The following FOXN3 variants were observed in gnomAD, a reference collection of about 807,000 sequenced individuals.
FOXN3 encodes forkhead box N3.
A neutral mutation model predicts 38.4 loss-of-function variants in FOXN3; 7 were observed. The observed-to-expected ratio is 0.18, with a 90% CI of 0.10 to 0.34. The LOEUF (loss-of-function observed/expected upper bound fraction) is 0.34, where lower values mean the gene tolerates loss of function less well. FOXN3 is among the 10% of genes least tolerant of loss of function. The pLI is 1.00. For missense variants in FOXN3, 456 were observed against 613.4 expected (o/e 0.74, Z 2.71); for synonymous variants, 230 against 242.2 (o/e 0.95, Z 0.47).
chr14:89,193,432 C>T (rs1010686725), intron 4 of FOXN3, among the ~76,000 whole-genome samples: 8 of 151,994 alleles, frequency 5.3e-5, no homozygotes, highest in Non-Finnish European at 1.0e-4. Context: ...AAAAGTATTC[C>T]ATCAATAATC....
In FOXN3 at chr14:89,253,361, C is replaced by T. The variant is rs555229929; in HGVS notation, c.745+27589G>A. ...CAGGGAGAGCTGCCCAGGGCCAGCACGTCTTTGCATGGCCTCAAGGTGGAG... is the reference window on the plus strand; with the variant it reads ...CAGGGAGAGCTGCCCAGGGCCAGCATGTCTTTGCATGGCCTCAAGGTGGAG... On this transcript the variant is annotated intron_variant, in intron 4 of 5. Coordinates refer to ENST00000557258, the MANE Select transcript of FOXN3 (RefSeq NM_005197.4). Among the ~76,000 whole-genome samples, 11 of 152,266 alleles carry T rather than the reference C, an allele frequency of 7.2e-5. No individual in the cohort carries two copies. The East Asian group carries it at 7.7e-4, about 11-fold the overall frequency.
At chr14:89,378,764 T>C (rs61984669) in intron 2 of FOXN3, among the ~76,000 whole-genome samples, 24,808 of 148,534 alleles carry the variant, frequency 0.17, 2,086 homozygotes, top group Non-Finnish European at 0.19. Context: ...CTGGAGTGAG[T>C]GGTGCAACCT....
At chr14:89,506,077 G>C (rs1596301152) in intron 1 of FOXN3, among the ~76,000 whole-genome samples, 5 of 140,896 alleles carry the variant, frequency 3.5e-5, no homozygotes, top group African/African-American at 5.3e-5. Flanking sequence ...AGGTGGGGGG[G>C]TCAGCCCCCC....
chr14:89,513,875 ATCTC>A (rs920438831), intron 1 of FOXN3, among the ~76,000 whole-genome samples: 8 of 151,196 alleles, frequency 5.3e-5, no homozygotes, highest in East Asian at 3.9e-4. Context: ...CCAATTCTAA[ATCTC>A]TCTCTCTTTC....
At chr14:89,316,433 G>T (rs1478942702) in intron 3 of FOXN3, among the ~76,000 whole-genome samples, 1 of 151,902 alleles carries the variant, frequency 6.6e-6, no homozygotes, top group African/African-American at 2.4e-5. Context: ...ATGGCTCACT[G>T]CAGCCTCGAC....
Position 89,350,682 on chromosome 14 carries a change from C to T in FOXN3, c.670G>A (p.Ala224Thr). The stretch of plus-strand genomic sequence containing the variant: ...GTCTGAATTGCTTACCTTTGATATG[C>T]CTGAGGACAGGTGGGAGGTGTATTG... ...VFNTPPTCPQAYQSTSGPPIW... is the reference protein window; with the variant it reads ...VFNTPPTCPQTYQSTSGPPIW... The change falls in exon 3 of 6, where the codon GCA (alanine) becomes ACA (threonine). Residue 224 changes from alanine to threonine, a missense_variant. Ala to Thr is a moderately conservative substitution (Grantham distance 58). Transcript: ENST00000557258. 2 of 1,546,202 alleles carry T rather than the reference C, an allele frequency of 1.3e-6. No homozygotes were observed. Among genetic ancestry groups the T allele is most frequent in the Admixed American group, 2.2e-5 (1 of 44,510 alleles).
chr14:89,458,561 C>A (rs1408197448), intron 1 of FOXN3, among the ~76,000 whole-genome samples: 5 of 152,202 alleles, frequency 3.3e-5, no homozygotes, highest in African/African-American at 1.2e-4. Context: ...TGTATCTCAG[C>A]AGGGAGATAC....
At chr14:89,474,635 G>A (rs1461783893) in intron 1 of FOXN3, among the ~76,000 whole-genome samples, 1 of 152,094 alleles carries the variant, frequency 6.6e-6, no homozygotes, top group Non-Finnish European at 1.5e-5. Context: ...TGCTCAAGCT[G>A]TCTAATAAAA....
chr14:89,589,893 C>T (rs921430843), intron 1 of FOXN3, among the ~76,000 whole-genome samples: 6 of 152,166 alleles, frequency 3.9e-5, no homozygotes, highest in African/African-American at 1.2e-4. Flanking sequence ...CCCCTTCAGG[C>T]ACCTCAGAGC....
chr14:89,356,292 G>T (rs1889221385), intron 2 of FOXN3: 1 of 152,056 alleles, frequency 6.6e-6, no homozygotes, highest in Non-Finnish European at 1.5e-5. Flanking sequence ...AGCTACTTGG[G>T]AGGCTGAGGC....
At chr14:89,286,291 G>A (rs1886627217) in intron 3 of FOXN3, among the ~76,000 whole-genome samples, 1 of 152,104 alleles carries the variant, frequency 6.6e-6, no homozygotes, top group South Asian at 2.1e-4. Context: ...GCTTGGGGCG[G>A]GAAGAAAGGA....
chr14:89,334,877 C>T (rs933514906), intron 3 of FOXN3, among the ~76,000 whole-genome samples: 1 of 151,990 alleles, frequency 6.6e-6, no homozygotes, highest in African/African-American at 2.4e-5. Flanking sequence ...AAGCAATTCC[C>T]TGCCTCAGCC....
chr14:89,412,353 CGA>C lies in FOXN3; in HGVS notation c.122_123del (p.Leu41ArgfsTer6), dbSNP rs753351530. 1 of 1,614,148 alleles carries C rather than the reference CGA, an allele frequency of 6.2e-7. No homozygotes were observed. Among genetic ancestry groups the C allele is most frequent in the South Asian group, 1.1e-5 (1 of 91,072 alleles). ...FSKALQEDDD[L>X]DFSLPDIRLE... ...AATCGGATGTCAGGCAGAGAAAAGT[CGA>C]GGTCATCGTCTTCCTGAAGGGCCTT... On this transcript the variant is annotated frameshift_variant, in exon 2 of 6. Transcript: ENST00000557258. LOFTEE classifies it high-confidence loss of function. The surrounding 1 kb of genome is among the most constrained non-coding windows in gnomAD (Gnocchi z 4.7).
chr14:89,159,150 G>T lies in FOXN3; in HGVS notation c.*3264C>A, dbSNP rs1887042504. On this transcript the variant is annotated 3_prime_UTR_variant, in exon 6 of 6. Transcript: ENST00000557258. ...CTTGGAGGAGGGGATAAGAGAGGGT[G>T]CCTCCTGCCCCTTGGCTTGTTAAGG... is the stretch of plus-strand genomic sequence containing the variant. The T allele has an allele frequency of 2.6e-5, 4 of 152,662 alleles. No individual in the cohort carries two copies. The highest frequency in any genetic ancestry group is 2.6e-4 in the Admixed American group (4 of 15,284). The allele number at this position is 152,662 out of a possible 1,614,324, so 9.5% of individuals were successfully genotyped here. A position where few individuals can be genotyped will look rare whatever the true frequency, so the allele number is the denominator to read the frequency against.
chr14:89,487,895 T>C (rs978074402), intron 1 of FOXN3, among the ~76,000 whole-genome samples: 4 of 151,864 alleles, frequency 2.6e-5, no homozygotes, highest in Non-Finnish European at 4.4e-5. Context: ...ATAATGGCCT[T>C]GAGATTAGGA....
rs189263865 is a variant in FOXN3 at position 89,237,323 on chromosome 14, A to G, written c.745+43627T>C. 9.2e-5 allele frequency among the ~76,000 whole-genome samples: 14 copies of G among 152,356 alleles called. No individual in the cohort carries two copies. In the East Asian group the frequency reaches 2.3e-3, roughly 25 times the overall value. On this transcript the variant is annotated intron_variant, in intron 4 of 5. Coordinates refer to ENST00000557258, the MANE Select transcript of FOXN3 (RefSeq NM_005197.4). ...ACCTTCAGAATGGCTATGAAAAAAT[A>G]GTGACAACACCAAATGCTGGCAAGG...
Position 89,234,420 on chromosome 14 carries a change from G to A in FOXN3, c.745+46530C>T, listed in dbSNP as rs150681401. Among the ~76,000 whole-genome samples the A allele has an allele frequency of 3.7e-4, 57 of 152,154 alleles. 1 individual carries two copies. The highest frequency in any genetic ancestry group is 1.2e-3 in the African/African-American group (49 of 41,514). On this transcript the variant is annotated intron_variant, in intron 4 of 5. Transcript: ENST00000557258. ...CTACTCTCTGCCTCTGCTGTTGTACGGTTTGAATCTGAGTCTCCACCCAAA... is the reference window on the plus strand; with the variant it reads ...CTACTCTCTGCCTCTGCTGTTGTACAGTTTGAATCTGAGTCTCCACCCAAA...
At chr14:89,617,185 A>G (rs1461504329) in intron 1 of FOXN3, among the ~76,000 whole-genome samples, 1 of 152,248 alleles carries the variant, frequency 6.6e-6, no homozygotes, top group Non-Finnish European at 1.5e-5. Context: ...GCCAATCAGA[A>G]AAGTGTTTAT....
At chr14:89,568,688 C>T (rs145377184) in intron 1 of FOXN3, among the ~76,000 whole-genome samples, 3 of 152,204 alleles carry the variant, frequency 2.0e-5, no homozygotes, top group African/African-American at 4.8e-5. Context: ...CTGGCAAGGG[C>T]CCCCTCTGGT....
Sources: gnomAD v4.1 joint callset for allele counts (sites outside exome capture counted in the v4.1 genomes callset) on GRCh38, gnomAD v4.1.1 for gene constraint, Gnocchi (gnomAD v3.1) non-coding constraint, MANE v1.5 for transcripts, NCBI Gene and HGNC (gene_info 2026-07-23, HGNC 2026-07-21) for gene names.